The following KCNQ5 variants were observed in gnomAD, a reference collection of about 807,000 sequenced individuals.
KCNQ5 encodes the protein potassium voltage-gated channel subfamily Q member 5, also known as potassium voltage-gated channel subfamily KQT member 5.
Under a neutral mutation model 98.2 loss-of-function variants are expected in KCNQ5, and 30 were observed. That is an observed-to-expected ratio of 0.31 (90% confidence interval 0.23 to 0.41). KCNQ5 has a LOEUF of 0.41. Ranked by LOEUF, KCNQ5 falls within the 10% of genes least tolerant of loss-of-function variation. KCNQ5 has a pLI of 1.00. For synonymous variants in KCNQ5, 458 were observed against 449.4 expected (o/e 1.02, Z -0.24); for missense variants, 835 against 1,182.5 (o/e 0.71, Z 4.31).
chr6:73,004,576 A>T (rs1414577388), intron 2 of KCNQ5, among the ~76,000 whole-genome samples: 1 of 152,224 alleles, frequency 6.6e-6, no homozygotes, highest in Non-Finnish European at 1.5e-5. Flanking sequence ...ACCACACAGA[A>T]TTGCTCAATT....
At chr6:72,658,578 A>ATATATATATTTTTT (rs1226386362) in intron 1 of KCNQ5, among the ~76,000 whole-genome samples, 3 of 76,372 alleles carry the variant, frequency 3.9e-5, no homozygotes, top group Non-Finnish European at 5.7e-5. Context: ...ATATATATAT[A>ATATATATATTTTTT]TTTTTTTTTT....
chr6:72,889,775 A>T (rs1429712126), intron 1 of KCNQ5, among the ~76,000 whole-genome samples: 1 of 152,220 alleles, frequency 6.6e-6, no homozygotes, highest in Non-Finnish European at 1.5e-5. Context: ...CTCTGATTTG[A>T]TCATTAGACA....
intron 1 of KCNQ5, among the ~76,000 whole-genome samples, chr6:72,921,225 G>A (rs1780380465): frequency 6.6e-6 from 1 of 152,172 alleles, no homozygotes; most frequent in South Asian, 2.1e-4. Context: ...GGAAACAGCA[G>A]TAAGATTCAA....
intron 9 of KCNQ5, chr6:73,125,276 G>A (rs1325490327): frequency 9.1e-6 from 3 of 331,248 alleles, no homozygotes; most frequent in South Asian, 2.5e-5. Flanking sequence ...TAAACCTAGA[G>A]GGAATACGAG....
intron 1 of KCNQ5, among the ~76,000 whole-genome samples, chr6:72,649,171 G>A (rs1021925671): frequency 6.6e-6 from 1 of 152,070 alleles, no homozygotes. Flanking sequence ...GAACACTGGT[G>A]GCAAATATGT....
intron 1 of KCNQ5, among the ~76,000 whole-genome samples, chr6:72,724,124 A>G (rs945041179): frequency 2.6e-5 from 4 of 152,152 alleles, no homozygotes; most frequent in African/African-American, 9.7e-5. Flanking sequence ...TAATTATTTT[A>G]GAGAGTCTTG....
At chr6:73,150,244 C>G (rs2150479920) in intron 10 of KCNQ5, among the ~76,000 whole-genome samples, 1 of 152,000 alleles carries the variant, frequency 6.6e-6, no homozygotes, top group East Asian at 1.9e-4. Context: ...GAAGCCGGAT[C>G]ACTTACACAT....
chr6:72,894,546 A>G (rs1236427522), intron 1 of KCNQ5, among the ~76,000 whole-genome samples: 2 of 152,234 alleles, frequency 1.3e-5, no homozygotes, highest in Non-Finnish European at 2.9e-5. Context: ...TTGTAGATCA[A>G]ATACTAAGAG....
chr6:73,009,188 C>T (rs948583177), intron 2 of KCNQ5, among the ~76,000 whole-genome samples: 1 of 152,030 alleles, frequency 6.6e-6, no homozygotes, highest in Non-Finnish European at 1.5e-5. Context: ...GGCAGGGTTT[C>T]ACCATATTAG....
intron 1 of KCNQ5, among the ~76,000 whole-genome samples, chr6:72,675,285 A>C (rs1767353364): frequency 6.6e-6 from 1 of 152,196 alleles, no homozygotes; most frequent in Non-Finnish European, 1.5e-5. Flanking sequence ...TTATCAAGTT[A>C]ATTATACTTT....
intron 1 of KCNQ5, among the ~76,000 whole-genome samples, chr6:72,998,768 C>T (rs983137165): frequency 2.6e-5 from 4 of 152,018 alleles, no homozygotes; most frequent in African/African-American, 7.2e-5. Flanking sequence ...TCTCCCCTCC[C>T]TCAAAACTTT....
intron 1 of KCNQ5, among the ~76,000 whole-genome samples, chr6:72,627,378 G>A (rs904514504): frequency 3.3e-5 from 5 of 152,104 alleles, no homozygotes; most frequent in African/African-American, 1.2e-4. Context: ...GAAGAACCTG[G>A]GAAAAGCTTT....
intron 1 of KCNQ5, among the ~76,000 whole-genome samples, chr6:72,732,540 A>G (rs370938118): frequency 5.9e-5 from 9 of 152,182 alleles, no homozygotes; most frequent in African/African-American, 2.2e-4. Context: ...TCTTATGTCT[A>G]TCTTCAGTTG....
chr6:73,083,342 C>T (rs944265332), intron 5 of KCNQ5, among the ~76,000 whole-genome samples: 1 of 151,972 alleles, frequency 6.6e-6, no homozygotes, highest in Admixed American at 6.5e-5. Flanking sequence ...TTGATAAATG[C>T]AAAATACTAA....
At position 72,808,455 on chromosome 6, in the gene KCNQ5, G is replaced by A. The variant is rs552004451; in HGVS notation, c.398+185868G>A. Among the ~76,000 whole-genome samples the A allele has an allele frequency of 5.3e-5, 8 of 152,064 alleles. No homozygotes were observed. In the East Asian group the frequency reaches 1.4e-3, roughly 26 times the overall value. Reference sequence around the variant, plus strand: ...GAGGGTGCACAGAGCACTGTACAAGGGTACCCATTGTCAAAACCCATCATG... The same window carrying A: ...GAGGGTGCACAGAGCACTGTACAAGAGTACCCATTGTCAAAACCCATCATG... On this transcript the variant is annotated intron_variant, in intron 1 of 13. Transcript: ENST00000370398.
intron 1 of KCNQ5, among the ~76,000 whole-genome samples, chr6:72,981,033 T>A (rs1350940852): frequency 6.6e-6 from 1 of 152,212 alleles, no homozygotes; most frequent in Admixed American, 6.5e-5. Flanking sequence ...GTGGATAAGC[T>A]TTTTGATGTG....
chr6:72,773,284 T>C (rs1469890586), intron 1 of KCNQ5, among the ~76,000 whole-genome samples: 1 of 152,116 alleles, frequency 6.6e-6, no homozygotes, highest in African/African-American at 2.4e-5. Context: ...ATATACACCA[T>C]GGAATACTAC....
At chr6:73,037,042 G>A (rs1771464976) in intron 2 of KCNQ5, among the ~76,000 whole-genome samples, 1 of 152,034 alleles carries the variant, frequency 6.6e-6, no homozygotes, top group South Asian at 2.1e-4. Flanking sequence ...TTTTATTTTA[G>A]CCATTCTGCT....
rs150593304 is a variant in KCNQ5, at chr6:72,968,973, T to G, written c.399-34935T>G. 2.8e-3 allele frequency among the ~76,000 whole-genome samples: 434 copies of G among 152,288 alleles called. 3 individuals are homozygous for G. The highest frequency in any genetic ancestry group is 9.7e-3 in the African/African-American group (402 of 41,564). ...AATTGGTATGTGATGACTTTATACC[T>G]GAAACTAAGGAGTTGAGGAATAAGC... is the stretch of plus-strand genomic sequence containing the variant. On this transcript the variant is annotated intron_variant, in intron 1 of 13. Transcript: ENST00000370398.
Sources: gnomAD v4.1 joint callset for allele counts (sites outside exome capture counted in the v4.1 genomes callset) on GRCh38, gnomAD v4.1.1 for gene constraint, MANE v1.5 for transcripts, NCBI Gene and HGNC (gene_info 2026-07-23, HGNC 2026-07-21) for gene names.